Variants in SLC9B1 observed in about 807,000 individuals in gnomAD.
SLC9B1 encodes the protein sodium/hydrogen exchanger 9B1.
In SLC9B1, 32 loss-of-function variants were observed where a neutral mutation model predicts 51.7. That is an observed-to-expected ratio of 0.62 (90% CI 0.47 to 0.83). The LOEUF (loss-of-function observed/expected upper bound fraction) is 0.83. Among genes scored for constraint, SLC9B1 ranks in the 40% least tolerant of loss-of-function variants. SLC9B1 has a pLI of 0.00. For missense variants in SLC9B1, 406 were observed against 613.2 expected (o/e 0.66, Z 3.57); for synonymous variants, 145 against 212.7 (o/e 0.68, Z 2.77).
intron 6 of SLC9B1, among the ~76,000 whole-genome samples, chr4:102,933,777 ATATC>A (rs1736578403): frequency 6.6e-6 from 1 of 152,174 alleles, no homozygotes; most frequent in Non-Finnish European, 1.5e-5. Flanking sequence ...AAAACACAAA[ATATC>A]TAAGAAAAAA....
intron 1 of SLC9B1, among the ~76,000 whole-genome samples, chr4:103,019,337 G>T (rs1033912407): frequency 2.6e-5 from 4 of 151,744 alleles, no homozygotes; most frequent in African/African-American, 9.7e-5. Flanking sequence ...TTACTGGCGA[G>T]TATTTGTAAA....
intron 3 of SLC9B1, among the ~76,000 whole-genome samples, chr4:102,980,725 C>T (rs1739308959): frequency 1.3e-5 from 2 of 152,002 alleles, no homozygotes; most frequent in African/African-American, 4.8e-5. Context: ...GCATATGTAC[C>T]CTGGAACTTA....
At chr4:103,007,208 TTC>T (rs1265115381) in intron 1 of SLC9B1, among the ~76,000 whole-genome samples, 1 of 152,130 alleles carries the variant, frequency 6.6e-6, no homozygotes, top group Admixed American at 6.5e-5. Context: ...GATGATATGA[TTC>T]TACACCTAGA....
intron 3 of SLC9B1, among the ~76,000 whole-genome samples, chr4:102,988,883 G>A (rs1739800979): frequency 6.6e-6 from 1 of 151,898 alleles, no homozygotes. Flanking sequence ...GAATAATTTT[G>A]GTAAATAATA....
chr4:102,933,068 A>C (rs1253808313), intron 6 of SLC9B1, among the ~76,000 whole-genome samples: 11 of 152,186 alleles, frequency 7.2e-5, no homozygotes, highest in Non-Finnish European at 1.3e-4. Context: ...TTCTACATTT[A>C]CTTTATAAAG....
intron 3 of SLC9B1, among the ~76,000 whole-genome samples, chr4:102,968,494 G>T (rs1305348099): frequency 6.6e-6 from 1 of 152,120 alleles, no homozygotes; most frequent in Non-Finnish European, 1.5e-5. Flanking sequence ...TGGTAAATTG[G>T]ACTTCATCAA....
intron 3 of SLC9B1, among the ~76,000 whole-genome samples, chr4:102,967,283 T>C (rs1367504342): frequency 6.6e-6 from 1 of 152,224 alleles, no homozygotes; most frequent in East Asian, 1.9e-4. Flanking sequence ...CCTTCAAACT[T>C]GTCCAACTTC....
intron 7 of SLC9B1, among the ~76,000 whole-genome samples, chr4:102,917,939 C>A (rs1429413516): frequency 6.6e-6 from 1 of 151,750 alleles, no homozygotes; most frequent in Non-Finnish European, 1.5e-5. Context: ...CATGGTGGTG[C>A]ATGCCTGTAA....
chr4:102,910,198 ATAT>A (rs1340322015), intron 9 of SLC9B1, among the ~76,000 whole-genome samples: 4 of 152,118 alleles, frequency 2.6e-5, no homozygotes, highest in Non-Finnish European at 2.9e-5. Context: ...TAATATAATA[ATAT>A]TATATAAAAC....
Position 102,949,376 on chromosome 4 carries a change from T to C in SLC9B1, c.263A>G (p.Glu88Gly). ...WCMTWSILGS[E>G]ALPGGNLFGL... The stretch of plus-strand genomic sequence containing the variant: ...AAATAAATTTCCACCAGGGAGAGCT[T>C]CAGAGCCTAAGATTGACCAGGTCAT... The change falls in exon 4 of 12, where the codon GAA becomes GGA. Residue 88 changes from glutamate to glycine, a missense_variant. Transcript: ENST00000296422. The C allele has an allele frequency of 1.9e-6, 3 of 1,610,576 alleles. No homozygotes were observed. The highest frequency in any genetic ancestry group is 2.5e-6 in the Non-Finnish European group (3 of 1,179,312).
chr4:103,013,588 ATTT>A (rs1741184882), intron 1 of SLC9B1, among the ~76,000 whole-genome samples: 1 of 152,228 alleles, frequency 6.6e-6, no homozygotes, highest in Admixed American at 6.5e-5. Context: ...TCAAGATTCT[ATTT>A]AGTATATCTA....
At chr4:102,926,016 T>G (rs1292590364) in intron 7 of SLC9B1, among the ~76,000 whole-genome samples, 1 of 152,294 alleles carries the variant, frequency 6.6e-6, no homozygotes, top group East Asian at 1.9e-4. Context: ...TCTCAATAGA[T>G]GCAGAAAAGG....
intron 4 of SLC9B1, among the ~76,000 whole-genome samples, chr4:102,948,527 AC>A (rs1180505436): frequency 1.3e-5 from 2 of 152,344 alleles, no homozygotes; most frequent in African/African-American, 4.8e-5. Context: ...ACATATACAC[AC>A]ATATGTTCAT....
chr4:102,985,228 C>G (rs369381600), intron 3 of SLC9B1, among the ~76,000 whole-genome samples: 52 of 152,230 alleles, frequency 3.4e-4, no homozygotes, highest in East Asian at 1.5e-3. Flanking sequence ...ACACATAGTT[C>G]GGTCTTATTT....
intron 7 of SLC9B1, among the ~76,000 whole-genome samples, chr4:102,931,194 C>A (rs1255156128): frequency 6.7e-6 from 1 of 149,556 alleles, no homozygotes; most frequent in Non-Finnish European, 1.5e-5. Context: ...CCACTGCACT[C>A]CAACCTGGGT....
At chr4:102,958,957 G>C (rs1261559588) in intron 3 of SLC9B1, among the ~76,000 whole-genome samples, 1 of 151,446 alleles carries the variant, frequency 6.6e-6, no homozygotes, top group Non-Finnish European at 1.5e-5. Flanking sequence ...AATTGAAATA[G>C]GGCACTAAAA....
intron 3 of SLC9B1, among the ~76,000 whole-genome samples, chr4:102,966,972 G>A (rs1738461957): frequency 6.6e-6 from 1 of 152,124 alleles, no homozygotes; most frequent in Admixed American, 6.5e-5. Context: ...TCACTCTTAA[G>A]TTTGGCCTTC....
chr4:102,943,506 T>TATATACACACACAC (rs1553982064), intron 6 of SLC9B1, among the ~76,000 whole-genome samples: 4 of 145,484 alleles, frequency 2.7e-5, no homozygotes, highest in African/African-American at 1.0e-4. Context: ...TGTGTATGTA[T>TATATACACACACAC]ACACACACAC....
At chr4:103,014,323 G>GCTA (rs756803363) in intron 1 of SLC9B1, among the ~76,000 whole-genome samples, 1 of 152,126 alleles carries the variant, frequency 6.6e-6, no homozygotes, top group Non-Finnish European at 1.5e-5. Flanking sequence ...ATTTCCTGAC[G>GCTA]CTACCTTCAA....
Sources: allele counts gnomAD v4.1 joint callset (sites outside exome capture counted in the v4.1 genomes callset), GRCh38; gene constraint gnomAD v4.1.1; transcripts MANE v1.5; gene names NCBI Gene and HGNC (gene_info 2026-07-23, HGNC 2026-07-21).